The following KCNG4 variants were observed in gnomAD, a reference collection of about 807,000 sequenced individuals.
KCNG4 encodes the protein potassium voltage-gated channel modifier subfamily G member 4.
In KCNG4, 30 loss-of-function variants were observed where a neutral mutation model predicts 28.2. The observed-to-expected ratio is 1.06, with a 90% confidence interval of 0.80 to 1.44. The LOEUF is 1.44. Among genes scored for constraint, KCNG4 ranks in the 40% most tolerant of loss-of-function variants. The pLI is 0.00. For missense variants in KCNG4, 879 were observed against 712.3 expected, an observed-to-expected ratio of 1.23 and a Z score of -2.66; for synonymous variants, 375 against 315.5, an observed-to-expected ratio of 1.19 and a Z score of -2.00.
At chr16:84,225,482 G>A (rs1904675714) in intron 2 of KCNG4, among the ~76,000 whole-genome samples, 1 of 152,196 alleles carries the variant, frequency 6.6e-6, no homozygotes, top group Non-Finnish European at 1.5e-5. Context: ...ACCTTAGGGT[G>A]GGGCCCGGGA....
At position 84,222,600 on chromosome 16, in the gene KCNG4, C is replaced by G. The variant is rs368418364; in HGVS notation, c.1177G>C (p.Glu393Gln). 4 of 1,613,220 alleles carry G rather than the reference C, an allele frequency of 2.5e-6. No homozygotes were observed. Among genetic ancestry groups the G allele is most frequent in the Non-Finnish European group, 3.4e-6 (4 of 1,179,984 alleles). Residue 393 changes from glutamate to glutamine, a missense_variant, in exon 3 of 3, where the codon GAG becomes CAG. Coordinates refer to ENST00000308251, the MANE Select transcript of KCNG4 (RefSeq NM_172347.3). ...TLFSPLVYVAEKESGRVLEFT... is the reference protein window; with the variant it reads ...TLFSPLVYVAQKESGRVLEFT... The stretch of plus-strand genomic sequence containing the variant: ...TCCAGCACCCGCCCGGACTCCTTCT[C>G]GGCCACGTAGACCAAAGGGGAGAAG...
intron 2 of KCNG4, among the ~76,000 whole-genome samples, chr16:84,224,945 T>C (rs1040627316): frequency 2.0e-5 from 3 of 152,160 alleles, no homozygotes; most frequent in African/African-American, 4.8e-5. Flanking sequence ...TCAAATCCCA[T>C]CTCTTCCACT....
At chr16:84,225,858 G>A (rs1354401822) in intron 2 of KCNG4, among the ~76,000 whole-genome samples, 1 of 152,232 alleles carries the variant, frequency 6.6e-6, no homozygotes, top group Non-Finnish European at 1.5e-5. Context: ...AGGCTCTGCT[G>A]TGCATCCTAA....
Position 84,222,174 on chromosome 16 carries a change from G to A in KCNG4, c.*43C>T. ...GTACCCTTGAGTGTGTTTCAGGCAGGGTGATGGGTTGAGGTTACCATGTAG... is the reference window on the plus strand; with the variant it reads ...GTACCCTTGAGTGTGTTTCAGGCAGAGTGATGGGTTGAGGTTACCATGTAG... On this transcript the variant is annotated 3_prime_UTR_variant, in exon 3 of 3. Coordinates refer to ENST00000308251, the MANE Select transcript of KCNG4 (RefSeq NM_172347.3). 1.3e-6 allele frequency: 2 copies of A among 1,591,178 alleles called. No homozygotes were observed. Among genetic ancestry groups the A allele is most frequent in the African/African-American group, 1.3e-5 (1 of 74,682 alleles).
At position 84,222,247 on chromosome 16, in the gene KCNG4, C is replaced by G. The variant is rs374643753; in HGVS notation, c.1530G>C (p.Glu510Asp). The part of the protein sequence containing the change: ...LMNDVNDLIL[E>D]GPALPIMHM ...TGTGCATGATAGGCAAGGCTGGGCC[C>G]TCCAGGATTAGGTCATTGACATCGT... Residue 510 changes from glutamate (E) to aspartate (D), a missense_variant, in exon 3 of 3, where the codon GAG (glutamate) becomes GAC (aspartate). Coordinates refer to ENST00000308251, the MANE Select transcript of KCNG4 (RefSeq NM_172347.3). 3 of 1,614,052 alleles carry G rather than the reference C, an allele frequency of 1.9e-6. No homozygotes were observed. The highest frequency in any genetic ancestry group is 2.5e-6 in the Non-Finnish European group (3 of 1,180,052).
At chr16:84,231,954 A>G (rs1427294422) in intron 2 of KCNG4, among the ~76,000 whole-genome samples, 1 of 149,778 alleles carries the variant, frequency 6.7e-6, no homozygotes, top group African/African-American at 2.5e-5. Context: ...CAGTGAGCTG[A>G]GATCACACCA....
At position 84,222,963 on chromosome 16, in the gene KCNG4, A is replaced by G. The variant is rs1339148886; in HGVS notation, c.814T>C (p.Trp272Arg). 1 of 1,566,246 alleles carries G rather than the reference A, an allele frequency of 6.4e-7. No homozygotes were observed. Among genetic ancestry groups the G allele is most frequent in the South Asian group, 1.2e-5 (1 of 84,006 alleles). ...CGCAGGCAGAACTCCAGGGAGAACC[A>G]GGCCACGCAGATGGTCTCCACGATG... Reference protein sequence around the residue: ...IFIVETICVAWFSLEFCLRFV... With the variant: ...IFIVETICVARFSLEFCLRFV... The change falls in exon 3 of 3, where the codon TGG becomes CGG. Residue 272 changes from tryptophan (W) to arginine (R), a missense_variant. Transcript: ENST00000308251.
At chr16:84,228,615 C>T (rs906429650) in intron 2 of KCNG4, among the ~76,000 whole-genome samples, 12 of 152,194 alleles carry the variant, frequency 7.9e-5, no homozygotes, top group South Asian at 2.1e-4. Flanking sequence ...GCCACCCCCC[C>T]GCCCACTCCT....
At position 84,226,784 on chromosome 16, in the gene KCNG4, C is replaced by T. The variant is rs1450813554; in HGVS notation, c.757-3764G>A. On this transcript the variant is annotated intron_variant, in intron 2 of 2. Transcript: ENST00000308251. This position sits in a 1 kb window ranked among gnomAD's most constrained non-coding sequence, Gnocchi z 4.1. ...ATCCCAGCTACTTGGCGGGCTGAGGCAGGAGAATGGCTTGGACCTGGTAGG... is the reference window on the plus strand; with the variant it reads ...ATCCCAGCTACTTGGCGGGCTGAGGTAGGAGAATGGCTTGGACCTGGTAGG... Among the ~76,000 whole-genome samples the T allele has an allele frequency of 6.9e-6, 1 of 145,934 alleles. No individual in the cohort carries two copies. Among genetic ancestry groups the T allele is most frequent in the Non-Finnish European group, 1.5e-5 (1 of 65,294 alleles).
Position 84,237,481 on chromosome 16 carries a change from G to C in KCNG4, c.5C>G (p.Pro2Arg). Residue 2 changes from proline (P) to arginine (R), a missense_variant, in exon 2 of 3, where the codon CCC becomes CGC. Coordinates refer to ENST00000308251, the MANE Select transcript of KCNG4 (RefSeq NM_172347.3). M[P>R]MPSRDGGLHP... ...CAGGCCCCCGTCTCTGGAAGGCATG[G>C]GCATTGCTGAAGACCACCAGGTAGG... The C allele has an allele frequency of 6.7e-7, 1 of 1,494,592 alleles. No homozygotes were observed. The highest frequency in any genetic ancestry group is 8.9e-7 in the Non-Finnish European group (1 of 1,122,724). 92.6% of individuals were successfully genotyped at this position (1,494,592 alleles called of 1,614,324 possible). A position where few individuals can be genotyped will look rare whatever the true frequency, so the allele number is the denominator to read the frequency against.
At chr16:84,231,199 G>A (rs1372001474) in intron 2 of KCNG4, among the ~76,000 whole-genome samples, 1 of 152,198 alleles carries the variant, frequency 6.6e-6, no homozygotes, top group Non-Finnish European at 1.5e-5. Context: ...TCTGAATAGT[G>A]TTATGATTGT....
At chr16:84,228,405 G>A (rs1170646871) in intron 2 of KCNG4, among the ~76,000 whole-genome samples, 2 of 152,200 alleles carry the variant, frequency 1.3e-5, no homozygotes, top group East Asian at 3.9e-4. Flanking sequence ...TTTGGCCCTG[G>A]CCCGAGGCCC....
At chr16:84,225,082 C>A (rs1559442) in intron 2 of KCNG4, among the ~76,000 whole-genome samples, 1 of 152,122 alleles carries the variant, frequency 6.6e-6, no homozygotes, top group South Asian at 2.1e-4. Flanking sequence ...GCACAGGATG[C>A]GCTGTAGCCA....
At chr16:84,231,713 G>A (rs1275803076) in intron 2 of KCNG4, among the ~76,000 whole-genome samples, 1 of 152,148 alleles carries the variant, frequency 6.6e-6, no homozygotes, top group South Asian at 2.1e-4. Flanking sequence ...GCATTCAAGT[G>A]AGAGTCGGGG....
At chr16:84,230,402 CAAAAAAAAAA>C (rs36051103) in intron 2 of KCNG4, among the ~76,000 whole-genome samples, 1 of 30,326 alleles carries the variant, frequency 3.3e-5, no homozygotes, top group Admixed American at 5.6e-4. Flanking sequence ...GACTTCATCT[CAAAAAAAAAA>C]AAAAAAAAAA....
chr16:84,237,317 G>T lies in KCNG4; in HGVS notation c.169C>A (p.Leu57Met), dbSNP rs747215170. 4.1e-5 allele frequency: 65 copies of T among 1,588,684 alleles called. No individual in the cohort carries two copies. The highest frequency in any genetic ancestry group is 1.9e-4 in the Admixed American group (11 of 57,144). ...VGALDASPVD[L>M]KKEILINVGG... ...ACGTTGATCAGGATCTCCTTCTTCAGGTCCACTGGGGAGGCGTCCAGGGCA... is the reference window on the plus strand; with the variant it reads ...ACGTTGATCAGGATCTCCTTCTTCATGTCCACTGGGGAGGCGTCCAGGGCA... The change falls in exon 2 of 3, where the codon CTG becomes ATG. Residue 57 changes from leucine (L) to methionine (M), a missense_variant. Transcript: ENST00000308251.
At position 84,237,521 on chromosome 16, in the gene KCNG4, C is replaced by A; in HGVS notation, c.-36G>T. 6.9e-7 allele frequency: 1 copy of A among 1,454,036 alleles called. No individual in the cohort carries two copies. 90.1% of individuals were successfully genotyped at this position (1,454,036 alleles called of 1,614,324 possible). A position where few individuals can be genotyped will look rare whatever the true frequency, so the allele number is the denominator to read the frequency against. ...CACCAGGTAGGAAGCGCTGGGTTTA[C>A]CAGTCTGACACCCAAGGGACAAAGA... On this transcript the variant is annotated 5_prime_UTR_variant, in exon 2 of 3. Transcript: ENST00000308251.
intron 1 of KCNG4, among the ~76,000 whole-genome samples, chr16:84,238,344 T>C (rs959833607): frequency 1.1e-4 from 16 of 152,250 alleles, no homozygotes; most frequent in African/African-American, 3.9e-4. Flanking sequence ...GGAATGTGAC[T>C]ATGCTTAGCG....
In KCNG4 at chr16:84,222,995, T is replaced by C. The variant is rs760619091; in HGVS notation, c.782A>G (p.Tyr261Cys). 8.5e-6 allele frequency: 13 copies of C among 1,535,620 alleles called. No individual in the cohort carries two copies. The East Asian group carries it at 1.4e-4, about 16-fold the overall frequency. Residue 261 changes from tyrosine (Y) to cysteine (C), a missense_variant, in exon 3 of 3, where the codon TAT becomes TGT. Transcript: ENST00000308251. ...DQGECSRKCY[Y>C]IFIVETICVA... ...GCAGATGGTCTCCACGATGAAAATA[T>C]AGTAGCACTTCCGAGAGCATTCGCC...
Sources: gnomAD v4.1 joint callset for allele counts (sites outside exome capture counted in the v4.1 genomes callset) on GRCh38, gnomAD v4.1.1 for gene constraint, Gnocchi (gnomAD v3.1) non-coding constraint, MANE v1.5 for transcripts, NCBI Gene and HGNC (gene_info 2026-07-23, HGNC 2026-07-21) for gene names.